Variants in MSRB3 observed in about 807,000 individuals in gnomAD.
MSRB3 encodes methionine sulfoxide reductase B3.
Under a neutral mutation model 21.0 loss-of-function variants are expected in MSRB3, and 13 were observed. The observed-to-expected ratio is 0.62, with a 90% confidence interval of 0.40 to 0.98. MSRB3 has a LOEUF of 0.98. Among genes scored for constraint, MSRB3 ranks in the 50% least tolerant of loss-of-function variants. The pLI, the probability that MSRB3 is intolerant of heterozygous loss-of-function variation, is 0.00. For synonymous variants in MSRB3, 87 were observed against 88.6 expected, an observed-to-expected ratio of 0.98 and a Z score of 0.10; for missense variants, 199 against 230.3, an observed-to-expected ratio of 0.86 and a Z score of 0.88.
At chr12:65,348,600 G>T (rs1167620481) in intron 4 of MSRB3, among the ~76,000 whole-genome samples, 2 of 152,046 alleles carry the variant, frequency 1.3e-5, no homozygotes, top group African/African-American at 4.8e-5. Context: ...GTTCTGCTCT[G>T]ATCTTAGTTA....
intron 1 of MSRB3, among the ~76,000 whole-genome samples, chr12:65,295,081 G>T (rs1403024972): frequency 2.0e-5 from 3 of 152,090 alleles, no homozygotes; most frequent in South Asian, 2.1e-4. Context: ...TCCTCCTGCC[G>T]CAACTGCCAA....
chr12:65,424,344 C>A (rs1881470158), intron 5 of MSRB3, among the ~76,000 whole-genome samples: 1 of 151,538 alleles, frequency 6.6e-6, no homozygotes, highest in Non-Finnish European at 1.5e-5. Flanking sequence ...TTTTCTTCTT[C>A]CTGCTATCTT....
chr12:65,405,862 T>C lies in MSRB3; in HGVS notation c.292+36836T>C, dbSNP rs542675216. On this transcript the variant is annotated intron_variant, in intron 5 of 6. Coordinates refer to ENST00000308259, the MANE Select transcript of MSRB3 (RefSeq NM_001031679.3). Reference sequence around the variant, plus strand: ...GTTGAGCATTTTTTTCATATATTTGTTGGCCATTTGTATGTCTACATTTGA... The same window carrying C: ...GTTGAGCATTTTTTTCATATATTTGCTGGCCATTTGTATGTCTACATTTGA... 1.2e-4 allele frequency among the ~76,000 whole-genome samples: 18 copies of C among 152,336 alleles called. No individual in the cohort carries two copies. The South Asian group carries it at 3.5e-3, about 30-fold the overall frequency.
intron 5 of MSRB3, among the ~76,000 whole-genome samples, chr12:65,394,885 C>T (rs1441867279): frequency 2.6e-5 from 4 of 152,100 alleles, no homozygotes; most frequent in Non-Finnish European, 4.4e-5. Context: ...GATAAACACA[C>T]TCAACAAACT....
At chr12:65,372,265 C>G (rs938987762) in intron 5 of MSRB3, among the ~76,000 whole-genome samples, 2 of 152,168 alleles carry the variant, frequency 1.3e-5, no homozygotes, top group African/African-American at 4.8e-5. Context: ...AAACCTTCAA[C>G]CAGAAGGCAG....
chr12:65,282,797 G>A (rs373936420), intron 1 of MSRB3, among the ~76,000 whole-genome samples: 4 of 152,126 alleles, frequency 2.6e-5, no homozygotes, highest in Non-Finnish European at 4.4e-5. Flanking sequence ...TTCCTGGGAG[G>A]TAGAACCTGA....
chr12:65,404,825 G>T (rs1880321889), intron 5 of MSRB3, among the ~76,000 whole-genome samples: 1 of 151,950 alleles, frequency 6.6e-6, no homozygotes, highest in Non-Finnish European at 1.5e-5. Flanking sequence ...ATTAATTATT[G>T]TCTTCATGTT....
chr12:65,352,922 T>G (rs1207696945), intron 4 of MSRB3, among the ~76,000 whole-genome samples: 2 of 151,672 alleles, frequency 1.3e-5, no homozygotes, highest in East Asian at 3.9e-4. Context: ...GCCATCCCCA[T>G]AAAGCTACCA....
intron 1 of MSRB3, among the ~76,000 whole-genome samples, chr12:65,304,017 T>G (rs1039448887): frequency 1.3e-5 from 2 of 152,144 alleles, no homozygotes; most frequent in Non-Finnish European, 2.9e-5. Flanking sequence ...TGTAGAACTT[T>G]AGATACTTTA....
intron 6 of MSRB3, among the ~76,000 whole-genome samples, chr12:65,454,822 C>T (rs868511579): frequency 6.6e-6 from 1 of 152,206 alleles, no homozygotes; most frequent in South Asian, 2.1e-4. Flanking sequence ...CTGACACCCA[C>T]AATCGAGAGA....
intron 1 of MSRB3, among the ~76,000 whole-genome samples, chr12:65,301,760 T>C (rs115587482): frequency 0.014 from 2,071 of 152,304 alleles, 57 homozygotes; most frequent in African/African-American, 0.048. Context: ...TACAATTATC[T>C]GAAAAGGTTA....
chr12:65,397,586 A>C (rs79312153), intron 5 of MSRB3, among the ~76,000 whole-genome samples: 4,403 of 152,144 alleles, frequency 0.029, 116 homozygotes, highest in African/African-American at 0.06. Context: ...GGAAAAGTAC[A>C]ATTATACTTC....
At chr12:65,290,673 T>A (rs1872619417) in intron 1 of MSRB3, among the ~76,000 whole-genome samples, 1 of 152,264 alleles carries the variant, frequency 6.6e-6, no homozygotes, top group South Asian at 2.1e-4. Flanking sequence ...GTCTGTGGTT[T>A]GGAATTGATT....
Position 65,465,499 on chromosome 12 carries a change from T to G in MSRB3, c.*2177T>G, listed in dbSNP as rs923761748. On this transcript the variant is annotated 3_prime_UTR_variant, in exon 7 of 7. Transcript: ENST00000308259. Reference sequence around the variant, plus strand: ...AACAAGAAATTAGAATGAAAATCTGTGACAAACAGCGTCAGTGTGGCCATG... The same window carrying G: ...AACAAGAAATTAGAATGAAAATCTGGGACAAACAGCGTCAGTGTGGCCATG... 4.6e-5 allele frequency: 7 copies of G among 152,220 alleles called. No homozygotes were observed. Among genetic ancestry groups the G allele is most frequent in the African/African-American group, 1.7e-4 (7 of 41,470 alleles). 9.4% of individuals were successfully genotyped at this position (152,220 alleles called of 1,614,324 possible). A position where few individuals can be genotyped will look rare whatever the true frequency, so the allele number is the denominator to read the frequency against.
chr12:65,353,633 T>C (rs1412733329), intron 4 of MSRB3, among the ~76,000 whole-genome samples: 1 of 152,148 alleles, frequency 6.6e-6, no homozygotes, highest in Non-Finnish European at 1.5e-5. Flanking sequence ...GCATGTGAGA[T>C]GGGTTTCCTG....
chr12:65,294,531 G>A (rs1872840985), intron 1 of MSRB3, among the ~76,000 whole-genome samples: 1 of 152,062 alleles, frequency 6.6e-6, no homozygotes, highest in South Asian at 2.1e-4. Flanking sequence ...GAAGAACATG[G>A]GTGAGCTCTC....
intron 5 of MSRB3, among the ~76,000 whole-genome samples, chr12:65,428,095 T>C (rs1881693927): frequency 6.6e-6 from 1 of 152,166 alleles, no homozygotes; most frequent in Non-Finnish European, 1.5e-5. Context: ...TGTGTGTAGC[T>C]GTGTCTTCCT....
Position 65,353,191 on chromosome 12 carries a change from T to C in MSRB3, c.264-15807T>C, listed in dbSNP as rs557376191. 2.6e-5 allele frequency among the ~76,000 whole-genome samples: 4 copies of C among 152,260 alleles called. No individual in the cohort carries two copies. The South Asian group carries it at 8.3e-4, about 32-fold the overall frequency. On this transcript the variant is annotated intron_variant, in intron 4 of 6. Transcript: ENST00000308259. ...AGGCGTGGTGTGGTGCTGAAAGGAATGTATATTCTGTTGATTTGGGGTGGA... is the reference window on the plus strand; with the variant it reads ...AGGCGTGGTGTGGTGCTGAAAGGAACGTATATTCTGTTGATTTGGGGTGGA...
intron 5 of MSRB3, among the ~76,000 whole-genome samples, chr12:65,395,846 T>C (rs1879748106): frequency 6.6e-6 from 1 of 152,224 alleles, no homozygotes; most frequent in Non-Finnish European, 1.5e-5. Flanking sequence ...GGATCAATAG[T>C]GATGACCTCT....
Sources: gnomAD v4.1 joint callset for allele counts (sites outside exome capture counted in the v4.1 genomes callset) on GRCh38, gnomAD v4.1.1 for gene constraint, MANE v1.5 for transcripts, NCBI Gene and HGNC (gene_info 2026-07-23, HGNC 2026-07-21) for gene names.